THTPA: variants seen among roughly 807,000 people sequenced by gnomAD.
The protein encoded by THTPA is thiamine triphosphatase, also known as thiamine-triphosphatase.
A neutral mutation model predicts 16.5 loss-of-function variants in THTPA; 16 were observed. That is an observed-to-expected ratio of 0.97 (90% confidence interval 0.66 to 1.47). THTPA has a LOEUF of 1.47. Ranked by LOEUF, THTPA falls within the 40% of genes most tolerant of loss-of-function variation. The probability of loss-of-function intolerance (pLI) is 0.00; values close to 1 mark genes in which losing one functional copy is unlikely to be tolerated. For missense variants in THTPA, 281 were observed against 280.9 expected, an observed-to-expected ratio of 1.00 and a Z score of 0.00; for synonymous variants, 110 against 115.5, an observed-to-expected ratio of 0.95 and a Z score of 0.30.
chr14:23,537,514 A>G, the THTPA span, among the ~76,000 whole-genome samples: 1 of 152,060 alleles, frequency 6.6e-6, no homozygotes, highest in African/African-American at 2.4e-5. Flanking sequence ...TGAAGGCCCC[A>G]TTGTAGCTTC....
In THTPA at chr14:23,556,623, T is replaced by C. The variant is rs1206227236; in HGVS notation, c.-135T>C. The C allele has an allele frequency of 1.1e-6, 1 of 876,954 alleles. No homozygotes were observed. The highest frequency in any genetic ancestry group is 1.7e-6 in the Non-Finnish European group (1 of 584,642). 54.3% of individuals were successfully genotyped at this position (876,954 alleles called of 1,614,324 possible). On this transcript the variant is annotated 5_prime_UTR_variant, in exon 1 of 2. Transcript: ENST00000288014. ...AGAAAAGGGCAGTAGCCCTAGAGAC[T>C]ATTGCGACACAGTGTGCCCCTCATA...
chr14:23,525,767 G>A, the THTPA span: 8 of 1,503,928 alleles, frequency 5.3e-6, no homozygotes, highest in Non-Finnish European at 7.1e-6. The surrounding 1 kb of genome is among the most constrained non-coding windows in gnomAD (Gnocchi z 5.9). Context: ...AGGAGGGGTG[G>A]CAGCTGGCAG....
At chr14:23,528,656 C>T in the THTPA span, 2 of 985,442 alleles carry the variant, frequency 2.0e-6, no homozygotes, top group Non-Finnish European at 2.4e-6. Flanking sequence ...AGCTCATCCT[C>T]CCTCAGGCTC....
the THTPA span, chr14:23,522,762 C>T: frequency 1.3e-6 from 2 of 1,536,420 alleles, no homozygotes; most frequent in South Asian, 1.2e-5. Flanking sequence ...GAGACCTTGT[C>T]CCCCAAGGGC....
the THTPA span, among the ~76,000 whole-genome samples, chr14:23,537,550 A>G: frequency 6.6e-6 from 1 of 152,138 alleles, no homozygotes. Flanking sequence ...CTAGCCAGGC[A>G]TGAAGTCAGA....
chr14:23,525,757 A>G, the THTPA span: 2 of 1,506,774 alleles, frequency 1.3e-6, no homozygotes, highest in South Asian at 2.6e-5. The surrounding 1 kb of genome is among the most constrained non-coding windows in gnomAD (Gnocchi z 5.9). Flanking sequence ...GGGGTGGAGG[A>G]GGAGGGGTGG....
chr14:23,534,565 T>A, the THTPA span: 1 of 1,536,028 alleles, frequency 6.5e-7, no homozygotes, highest in African/African-American at 1.4e-5. This position sits in a 1 kb window ranked among gnomAD's most constrained non-coding sequence, Gnocchi z 4.5. Flanking sequence ...CTGTGTGTGA[T>A]CCATAAAGGC....
At chr14:23,534,958 T>C in the THTPA span, 1 of 1,536,116 alleles carries the variant, frequency 6.5e-7, no homozygotes, top group Non-Finnish European at 8.7e-7. This position sits in a 1 kb window ranked among gnomAD's most constrained non-coding sequence, Gnocchi z 4.5. Context: ...GGCCACTAGG[T>C]AGGCCTCACC....
the THTPA span, chr14:23,524,253 T>G: frequency 6.5e-7 from 1 of 1,536,412 alleles, no homozygotes; most frequent in Non-Finnish European, 8.7e-7. The surrounding 1 kb of genome is among the most constrained non-coding windows in gnomAD (Gnocchi z 5.6). Flanking sequence ...ACTCGCTTTT[T>G]GAGCCCCACC....
the THTPA span, chr14:23,525,248 G>T: frequency 6.5e-7 from 1 of 1,536,138 alleles, no homozygotes; most frequent in Non-Finnish European, 8.7e-7. This position sits in a 1 kb window ranked among gnomAD's most constrained non-coding sequence, Gnocchi z 5.9. Flanking sequence ...TCGCTCTTCA[G>T]GGGCACGGGT....
At chr14:23,527,807 G>A in the THTPA span, 19 of 1,535,462 alleles carry the variant, frequency 1.2e-5, no homozygotes, top group Non-Finnish European at 1.5e-5. Context: ...CAGTATACCT[G>A]GAGGGAACAT....
chr14:23,526,017 T>G, the THTPA span: 1 of 1,535,128 alleles, frequency 6.5e-7, no homozygotes, highest in Non-Finnish European at 8.7e-7. Context: ...TCAGGGCCCT[T>G]CTTCTCAGTG....
chr14:23,528,605 C>A, the THTPA span: 1 of 985,432 alleles, frequency 1.0e-6, no homozygotes, highest in Non-Finnish European at 1.2e-6. Flanking sequence ...CCTCTGTGAA[C>A]CATCACCTGG....
At position 23,560,236 on chromosome 14, in the gene THTPA, A is replaced by C. The variant is rs779578176; in HGVS notation, c.*1396A>C. On this transcript the variant is annotated 3_prime_UTR_variant, in exon 2 of 2. Transcript: ENST00000288014. The stretch of plus-strand genomic sequence containing the variant: ...TCCTGGAGTCCCCAGGCCACCTCTG[A>C]ACTCTGATCTTTACAAACCTTGGGC... 6 of 1,612,280 alleles carry C rather than the reference A, an allele frequency of 3.7e-6. No individual in the cohort carries two copies. Among genetic ancestry groups the C allele is most frequent in the Non-Finnish European group, 2.5e-6 (3 of 1,179,654 alleles).
At chr14:23,520,692 G>A in the THTPA span, among the ~76,000 whole-genome samples, 246 of 151,874 alleles carry the variant, frequency 1.6e-3, no homozygotes, top group African/African-American at 5.6e-3. The surrounding 1 kb of genome is among the most constrained non-coding windows in gnomAD (Gnocchi z 8.7). Context: ...TAGCAGGGGA[G>A]GGCTGCACCG....
At chr14:23,535,326 G>C in the THTPA span, 5 of 1,451,748 alleles carry the variant, frequency 3.4e-6, no homozygotes, top group East Asian at 2.5e-5. The surrounding 1 kb of genome is among the most constrained non-coding windows in gnomAD (Gnocchi z 4.5). Context: ...GGGTGGCCAT[G>C]GTAGACGGAG....
the THTPA span, chr14:23,543,699 T>C: frequency 6.6e-6 from 1 of 152,172 alleles, no homozygotes; most frequent in Admixed American, 6.5e-5. Context: ...GGATAGATAA[T>C]GGCGGGTAGT....
the THTPA span, chr14:23,543,814 C>T: frequency 2.0e-5 from 3 of 152,164 alleles, no homozygotes; most frequent in South Asian, 2.1e-4. Context: ...GACAAGCACT[C>T]TCCCTCCAAC....
the THTPA span, among the ~76,000 whole-genome samples, chr14:23,519,821 C>T: frequency 6.6e-6 from 1 of 152,096 alleles, no homozygotes; most frequent in East Asian, 1.9e-4. Context: ...GAGCAGAAAA[C>T]CTAAATCCCA....
Sources: gnomAD v4.1 joint callset for allele counts (sites outside exome capture counted in the v4.1 genomes callset) on GRCh38, gnomAD v4.1.1 for gene constraint, Gnocchi (gnomAD v3.1) non-coding constraint, MANE v1.5 for transcripts, NCBI Gene and HGNC (gene_info 2026-07-23, HGNC 2026-07-21) for gene names.